ASXL2: variants seen among roughly 807,000 people sequenced by gnomAD.
The protein encoded by ASXL2 is putative Polycomb group protein ASXL2.
In ASXL2, 23 loss-of-function variants were observed where a neutral mutation model predicts 122.0. The ratio of observed to expected loss-of-function variants is 0.19; its 90% CI spans 0.14 to 0.27. The LOEUF (loss-of-function observed/expected upper bound fraction) is 0.27, where lower values mean the gene tolerates loss of function less well. ASXL2 is among the 10% of genes least tolerant of loss of function. The pLI is 1.00. For missense variants in ASXL2, 1,518 were observed against 1,713.8 expected (o/e 0.89, Z 2.02); for synonymous variants, 650 against 637.0 (o/e 1.02, Z -0.31).
In ASXL2 at chr2:25,737,915, A is replaced by G. The variant is rs1574385975; in HGVS notation, c.*4114T>C. 1 of 152,232 alleles carries G rather than the reference A, an allele frequency of 6.6e-6. No homozygotes were observed. The highest frequency in any genetic ancestry group is 2.1e-4 in the South Asian group (1 of 4,830). 9.4% of individuals were successfully genotyped at this position (152,232 alleles called of 1,614,324 possible). A position where few individuals can be genotyped will look rare whatever the true frequency, so the allele number is the denominator to read the frequency against. On this transcript the variant is annotated 3_prime_UTR_variant, in exon 13 of 13. Coordinates refer to ENST00000435504, the MANE Select transcript of ASXL2 (RefSeq NM_018263.6). ...TTCCTTTAAAAAGGCAAAAGACACA[A>G]AAGTTTAGCATTTACCAAACCAGTC...
Position 25,742,351 on chromosome 2 carries a change from C to T in ASXL2, c.3986G>A (p.Gly1329Asp). 1 of 1,611,320 alleles carries T rather than the reference C, an allele frequency of 6.2e-7. No individual in the cohort carries two copies. Among genetic ancestry groups the T allele is most frequent in the Non-Finnish European group, 8.5e-7 (1 of 1,178,976 alleles). The change falls in exon 13 of 13, where the codon GGC (glycine) becomes GAC (aspartate). Residue 1329 changes from glycine (G) to aspartate (D), a missense_variant. By Grantham distance (94) the Gly-to-Asp change is moderately conservative (BLOSUM62 -1). Around this residue, in one of 8 missense-constraint regions of ASXL2, gnomAD observed 831 missense variants for 833.1 expected, o/e 1.00. Coordinates refer to ENST00000435504, the MANE Select transcript of ASXL2 (RefSeq NM_018263.6). ...SPTQIGPSYR[G>D]MINVSTSSDM... ...AGATGAGGTGGAGACATTGATCATGCCTCTATAGCTTGGCCCTATCTGGGT... is the reference window on the plus strand; with the variant it reads ...AGATGAGGTGGAGACATTGATCATGTCTCTATAGCTTGGCCCTATCTGGGT...
chr2:25,825,947 A>G (rs1207859922), intron 3 of ASXL2, among the ~76,000 whole-genome samples: 1 of 152,212 alleles, frequency 6.6e-6, no homozygotes, highest in Admixed American at 6.5e-5. Context: ...GGAGCTCCAT[A>G]GGTGACCTAG....
chr2:25,860,659 C>G (rs868091517), intron 1 of ASXL2, among the ~76,000 whole-genome samples: 1 of 150,344 alleles, frequency 6.7e-6, no homozygotes, highest in African/African-American at 2.5e-5. Context: ...TGCAGTGATC[C>G]GAGATCATGC....
chr2:25,741,989 C>A lies in ASXL2; in HGVS notation c.*40G>T, dbSNP rs779674038. The A allele has an allele frequency of 5.8e-6, 9 of 1,558,546 alleles. No individual in the cohort carries two copies. Among genetic ancestry groups the A allele is most frequent in the Non-Finnish European group, 7.8e-6 (9 of 1,146,754 alleles). The stretch of plus-strand genomic sequence containing the variant: ...CAAAAAACCCAACTGGTCAACCCTT[C>A]CCTTCCCCCTCCTTTACAGTGTATC... On this transcript the variant is annotated 3_prime_UTR_variant, in exon 13 of 13. Transcript: ENST00000435504.
At chr2:25,855,860 C>A (rs2089770621) in intron 1 of ASXL2, among the ~76,000 whole-genome samples, 1 of 147,414 alleles carries the variant, frequency 6.8e-6, no homozygotes, top group Non-Finnish European at 1.5e-5. Context: ...GAGAGAGAGA[C>A]AGAAACACAA....
rs952363106 is a variant in ASXL2, at chr2:25,804,986, G to A, written c.252+1243C>T. Among the ~76,000 whole-genome samples, 30 of 152,142 alleles carry A rather than the reference G, an allele frequency of 2.0e-4. 1 individual carries two copies. Among genetic ancestry groups the A allele is most frequent in the Non-Finnish European group, 2.9e-5 (2 of 68,030 alleles). The stretch of plus-strand genomic sequence containing the variant: ...AATCGCTTGAACCCAGGAAGCGGAG[G>A]TTGTAGCGAACCAAGACTGTGCCAC... On this transcript the variant is annotated intron_variant, in intron 4 of 12. Transcript: ENST00000435504.
chr2:25,844,998 T>C (rs1387922272), intron 2 of ASXL2, among the ~76,000 whole-genome samples: 3 of 152,208 alleles, frequency 2.0e-5, no homozygotes, highest in Admixed American at 2.0e-4. Flanking sequence ...GATCCTGTAC[T>C]AATGGCCCAA....
chr2:25,844,975 CT>C (rs1320865273), intron 2 of ASXL2, among the ~76,000 whole-genome samples: 1 of 152,124 alleles, frequency 6.6e-6, no homozygotes, highest in African/African-American at 2.4e-5. Flanking sequence ...AAATTAAAGT[CT>C]GTGTTATCTT....
intron 3 of ASXL2, among the ~76,000 whole-genome samples, chr2:25,815,133 C>A (rs939668853): frequency 6.6e-6 from 1 of 152,192 alleles, no homozygotes; most frequent in Non-Finnish European, 1.5e-5. Flanking sequence ...CTATTCTCCA[C>A]TCTGAAGCCA....
chr2:25,808,528 C>T (rs910752486), intron 3 of ASXL2, among the ~76,000 whole-genome samples: 28 of 152,286 alleles, frequency 1.8e-4, no homozygotes, highest in Admixed American at 1.6e-3. Context: ...GATGGAGTTT[C>T]ACCATGTTGG....
intron 5 of ASXL2, among the ~76,000 whole-genome samples, chr2:25,781,990 A>G (rs2088649264): frequency 1.8e-5 from 1 of 56,410 alleles, no homozygotes; most frequent in Non-Finnish European, 4.3e-5. Flanking sequence ...TTTTTTGTAG[A>G]GACAGAGTCT....
intron 7 of ASXL2, 93 bp from the exon 8 acceptor site, chr2:25,767,819 T>C (rs1246577997): frequency 1.4e-6 from 2 of 1,428,916 alleles, no homozygotes; most frequent in East Asian, 2.3e-5. Flanking sequence ...AATGAAGTTA[T>C]GTATGAGGCA....
chr2:25,834,567 A>G (rs1192416966), intron 3 of ASXL2, among the ~76,000 whole-genome samples: 1 of 152,206 alleles, frequency 6.6e-6, no homozygotes. Context: ...TAAAAAGACT[A>G]ACTACGCTCT....
intron 1 of ASXL2, among the ~76,000 whole-genome samples, chr2:25,862,753 C>G (rs778764228): frequency 1.3e-5 from 2 of 151,824 alleles, no homozygotes; most frequent in African/African-American, 2.4e-5. Context: ...GTACAAACCA[C>G]CATGCCCTGC....
chr2:25,785,275 G>A (rs2088720030), intron 5 of ASXL2, among the ~76,000 whole-genome samples: 1 of 152,068 alleles, frequency 6.6e-6, no homozygotes, highest in African/African-American at 2.4e-5. Flanking sequence ...TCCCTGGCTG[G>A]AGGACAGTGG....
Position 25,742,887 on chromosome 2 carries a change from A to G in ASXL2, c.3450T>C (p.Phe1150=). 1.2e-6 allele frequency: 2 copies of G among 1,614,016 alleles called. No individual in the cohort carries two copies. Among genetic ancestry groups the G allele is most frequent in the South Asian group, 2.2e-5 (2 of 91,084 alleles). ...RTHSVNPEDR[F]CLSSPTEALK... The stretch of plus-strand genomic sequence containing the variant: ...AGGCTTCAGTGGGGCTGCTTAGACA[A>G]AAACGATCTTCAGGGTTTACAGAAT... The change falls in exon 13 of 13, where the codon TTT becomes TTC. Residue 1150 remains phenylalanine (F), a synonymous_variant. Coordinates refer to ENST00000435504, the MANE Select transcript of ASXL2 (RefSeq NM_018263.6).
chr2:25,777,172 T>C (rs1033450652), intron 5 of ASXL2, among the ~76,000 whole-genome samples: 2 of 152,296 alleles, frequency 1.3e-5, no homozygotes, highest in Non-Finnish European at 2.9e-5. Context: ...CACTGCAGCC[T>C]TGACCTCCGA....
chr2:25,842,788 G>GTA (rs2089601961), intron 2 of ASXL2, among the ~76,000 whole-genome samples: 1 of 131,918 alleles, frequency 7.6e-6, no homozygotes, highest in South Asian at 2.3e-4. Context: ...GTGTGTGTGT[G>GTA]TGTGTATATA....
intron 1 of ASXL2, among the ~76,000 whole-genome samples, chr2:25,852,171 A>G (rs1271658037): frequency 3.9e-5 from 6 of 152,204 alleles, no homozygotes; most frequent in African/African-American, 1.4e-4. Context: ...TTAAAGTACA[A>G]TTTTTAGAAA....
Sources: gnomAD v4.1 joint callset for allele counts (sites outside exome capture counted in the v4.1 genomes callset) on GRCh38, gnomAD v4.1.1 for gene constraint, gnomAD v4.1.1 regional missense constraint, MANE v1.5 for transcripts, NCBI Gene and HGNC (gene_info 2026-07-23, HGNC 2026-07-21) for gene names.